Variants in CFAP221 observed in about 807,000 individuals in gnomAD.
The protein encoded by CFAP221 is cilia- and flagella-associated protein 221.
Under a neutral mutation model 113.1 loss-of-function variants are expected in CFAP221, and 97 were observed. The observed-to-expected ratio is 0.86, with a 90% CI of 0.73 to 1.02. The LOEUF is 1.02. Ranked by LOEUF, CFAP221 falls within the 50% of genes least tolerant of loss-of-function variation. The pLI, the probability that CFAP221 is intolerant of heterozygous loss-of-function variation, is 0.00. For missense variants in CFAP221, 1,025 were observed against 1,013.4 expected (o/e 1.01, Z -0.16); for synonymous variants, 331 against 354.4 (o/e 0.93, Z 0.74).
chr2:119,577,959 C>T (rs1484255398), intron 6 of CFAP221, among the ~76,000 whole-genome samples: 2 of 152,198 alleles, frequency 1.3e-5, no homozygotes, highest in Non-Finnish European at 2.9e-5. Context: ...ATGGGGAGTG[C>T]TCCTCTCTGC....
intron 6 of CFAP221, among the ~76,000 whole-genome samples, chr2:119,584,815 A>C (rs766307628): frequency 6.6e-6 from 1 of 152,250 alleles, no homozygotes; most frequent in Non-Finnish European, 1.5e-5. Context: ...GTTGGTAAGC[A>C]ATAGAAACTC....
At position 119,653,467 on chromosome 2, in the gene CFAP221, T is replaced by C. The variant is rs1291329861; in HGVS notation, c.2414+1398T>C. Among the ~76,000 whole-genome samples, 5 of 152,334 alleles carry C rather than the reference T, an allele frequency of 3.3e-5. No individual in the cohort carries two copies. In the South Asian group the frequency reaches 8.3e-4, roughly 25 times the overall value. On this transcript the variant is annotated intron_variant, in intron 23 of 23. Coordinates refer to ENST00000413369, the MANE Select transcript of CFAP221 (RefSeq NM_001271049.2). Reference sequence around the variant, plus strand: ...CATATTGTTTTATCTTCTGCACTTTTATTTAACAACATATCATAAGCACAT... The same window carrying C: ...CATATTGTTTTATCTTCTGCACTTTCATTTAACAACATATCATAAGCACAT...
chr2:119,571,263 C>T (rs1682030170), intron 6 of CFAP221, among the ~76,000 whole-genome samples: 1 of 150,816 alleles, frequency 6.6e-6, no homozygotes, highest in African/African-American at 2.4e-5. Flanking sequence ...CCTCAGTCTC[C>T]CAAGTAGCTG....
At chr2:119,587,308 T>C (rs1683291475) in intron 7 of CFAP221, 86 bp downstream of exon 7, 2 of 913,216 alleles carry the variant, frequency 2.2e-6, no homozygotes, top group East Asian at 5.7e-5. Flanking sequence ...CAGTGATGAA[T>C]TTTACACATA....
intron 1 of CFAP221, among the ~76,000 whole-genome samples, chr2:119,544,886 T>A (rs1679940667): frequency 6.6e-6 from 1 of 151,992 alleles, no homozygotes; most frequent in African/African-American, 2.4e-5. Flanking sequence ...ACCGCCTGGC[T>A]CCTGGGCCTG....
chr2:119,568,594 G>T (rs1280634953), intron 6 of CFAP221, among the ~76,000 whole-genome samples: 4 of 152,128 alleles, frequency 2.6e-5, no homozygotes, highest in African/African-American at 9.7e-5. Flanking sequence ...TGCAGTGTTT[G>T]ATTTTCTGTT....
chr2:119,601,416 C>G, intron 8 of CFAP221, 39 bp downstream of exon 8: 3 of 1,448,974 alleles, frequency 2.1e-6, no homozygotes, highest in Non-Finnish European at 2.7e-6. Flanking sequence ...ATTTTTAACC[C>G]TTTTTTGAAA....
intron 11 of CFAP221, among the ~76,000 whole-genome samples, chr2:119,607,285 C>G (rs996660000): frequency 2.0e-5 from 3 of 152,178 alleles, no homozygotes; most frequent in Admixed American, 6.5e-5. Flanking sequence ...AGTCCCCACA[C>G]CCGGCCCATA....
At chr2:119,638,237 A>G (rs774540592) in intron 19 of CFAP221, 22 bp from the exon 20 acceptor site, 1 of 1,613,216 alleles carries the variant, frequency 6.2e-7, no homozygotes, top group Admixed American at 1.7e-5. Context: ...AGAAAAGAAT[A>G]TTTTTTCCCT....
At chr2:119,612,994 A>G (rs1685283163) in intron 13 of CFAP221, among the ~76,000 whole-genome samples, 1 of 152,244 alleles carries the variant, frequency 6.6e-6, no homozygotes, top group Non-Finnish European at 1.5e-5. Flanking sequence ...TACCCATTCC[A>G]AATGGGAGAA....
intron 3 of CFAP221, among the ~76,000 whole-genome samples, chr2:119,553,396 A>G (rs1558906265): frequency 6.6e-6 from 1 of 152,184 alleles, no homozygotes; most frequent in Non-Finnish European, 1.5e-5. Flanking sequence ...GGACAAGAAT[A>G]TCAACGTAAG....
intron 17 of CFAP221, 73 bp downstream of exon 17, chr2:119,630,028 C>A: frequency 7.5e-7 from 1 of 1,341,802 alleles, no homozygotes; most frequent in Non-Finnish European, 1.1e-6. Context: ...ATTTGAATTG[C>A]AGTGTTTTAT....
chr2:119,595,337 C>A (rs1281349331), intron 7 of CFAP221, among the ~76,000 whole-genome samples: 1 of 152,196 alleles, frequency 6.6e-6, no homozygotes, highest in Non-Finnish European at 1.5e-5. Flanking sequence ...GCTCCCATGT[C>A]TCAGTTTACA....
intron 7 of CFAP221, among the ~76,000 whole-genome samples, chr2:119,600,198 T>G (rs6757992): frequency 6.6e-6 from 1 of 152,130 alleles, no homozygotes; most frequent in African/African-American, 2.4e-5. Context: ...CTTTCTTCGC[T>G]TTTTCTCTCC....
intron 19 of CFAP221, among the ~76,000 whole-genome samples, chr2:119,636,976 G>C (rs1227867302): frequency 6.6e-6 from 1 of 152,118 alleles, no homozygotes; most frequent in African/African-American, 2.4e-5. Flanking sequence ...CAGTCAACCA[G>C]AGTAGAAGAC....
At chr2:119,548,769 T>C (rs536513128) in intron 2 of CFAP221, among the ~76,000 whole-genome samples, 1 of 152,352 alleles carries the variant, frequency 6.6e-6, no homozygotes, top group Admixed American at 6.5e-5. Context: ...ATGTGCTCTT[T>C]ATGAGCTGGT....
chr2:119,599,082 A>G lies in CFAP221; in HGVS notation c.632-2136A>G, dbSNP rs190892006. ...GGTCTTAGGTTGGCTGATGGACCCA[A>G]GGTCTTTTGCTGATTCCCTCCTCCC... On this transcript the variant is annotated intron_variant, in intron 7 of 23. Transcript: ENST00000413369. 1.2e-3 allele frequency among the ~76,000 whole-genome samples: 183 copies of G among 152,302 alleles called. 1 individual carries two copies. The highest frequency in any genetic ancestry group is 0.01 in the East Asian group (52 of 5,188).
chr2:119,608,062 T>G (rs1684891175), intron 11 of CFAP221, among the ~76,000 whole-genome samples: 1 of 152,206 alleles, frequency 6.6e-6, no homozygotes, highest in Non-Finnish European at 1.5e-5. Flanking sequence ...AACTCTATGT[T>G]TAACTTTTTG....
At chr2:119,562,409 C>T (rs1298544926) in intron 6 of CFAP221, among the ~76,000 whole-genome samples, 1 of 152,168 alleles carries the variant, frequency 6.6e-6, no homozygotes, top group Non-Finnish European at 1.5e-5. Flanking sequence ...AGGAGCCTGA[C>T]TCTCCCCATA....
Sources: gnomAD v4.1 joint callset for allele counts (sites outside exome capture counted in the v4.1 genomes callset) on GRCh38, gnomAD v4.1.1 for gene constraint, MANE v1.5 for transcripts, NCBI Gene and HGNC (gene_info 2026-07-23, HGNC 2026-07-21) for gene names.